The following ABAT variants were observed in gnomAD, a reference collection of about 807,000 sequenced individuals.
ABAT encodes 4-aminobutyrate aminotransferase.
A neutral mutation model predicts 64.6 loss-of-function variants in ABAT; 45 were observed. That is an observed-to-expected ratio of 0.70 (90% CI 0.55 to 0.89). ABAT has a LOEUF of 0.89. Ranked by LOEUF, ABAT falls within the 40% of genes least tolerant of loss-of-function variation. The pLI, the probability that ABAT is intolerant of heterozygous loss-of-function variation, is 0.00. For synonymous variants in ABAT, 297 were observed against 250.5 expected, an observed-to-expected ratio of 1.19 and a Z score of -1.75; for missense variants, 633 against 658.4, an observed-to-expected ratio of 0.96 and a Z score of 0.42.
At chr16:8,703,543 G>A (rs138491516) in intron 1 of ABAT, among the ~76,000 whole-genome samples, 256 of 152,222 alleles carry the variant, frequency 1.7e-3, no homozygotes, top group African/African-American at 5.8e-3. Flanking sequence ...AAATAATAGA[G>A]CGTTTAGGTG....
At position 8,713,651 on chromosome 16, in the gene ABAT, T is replaced by G. The variant is rs1288356032; in HGVS notation, c.-41-22048T>G. 3 of 330,376 alleles carry G rather than the reference T, an allele frequency of 9.1e-6. No individual in the cohort carries two copies. In the Admixed American group the frequency reaches 1.2e-4, roughly 13 times the overall value. The allele number at this position is 330,376 out of a possible 1,614,324, so 20.5% of individuals were successfully genotyped here. On this transcript the variant is annotated intron_variant, in intron 1 of 15. Coordinates refer to ENST00000268251, the MANE Select transcript of ABAT (RefSeq NM_020686.6). ...CATCCTTTTCCCAAACCTGCTCTGC[T>G]TCCAAGGGGCCCTTTTCTGTCTCCT...
chr16:8,707,353 A>ATTTTTTTTTTTTTTTT lies in ABAT; in HGVS notation c.-41-28344_-41-28329dup, dbSNP rs386384172. The stretch of plus-strand genomic sequence containing the variant: ...AGGCACACACTACCATGCCAGGGTA[A>ATTTTTTTTTTTTTTTT]TTTTTTTTTTTTTTTTTAGCGGAGA... On this transcript the variant is annotated intron_variant, in intron 1 of 15. Transcript: ENST00000268251. Among the ~76,000 whole-genome samples, 1,155 of 123,718 alleles carry ATTTTTTTTTTTTTTTT rather than the reference A, an allele frequency of 9.3e-3. 51 individuals are homozygous for ATTTTTTTTTTTTTTTT. The highest frequency in any genetic ancestry group is 0.035 in the African/African-American group (1,035 of 29,988). The allele number at this position is 123,718 out of a possible 152,430, so 81.2% of individuals were successfully genotyped here.
intron 5 of ABAT, among the ~76,000 whole-genome samples, chr16:8,755,909 C>T (rs149623663): frequency 0.012 from 1,806 of 152,128 alleles, 25 homozygotes; most frequent in African/African-American, 0.04. Flanking sequence ...ATTAGCCAGG[C>T]GTGGTGATGG....
At chr16:8,707,896 G>C (rs1264987640) in intron 1 of ABAT, among the ~76,000 whole-genome samples, 1 of 152,144 alleles carries the variant, frequency 6.6e-6, no homozygotes, top group Non-Finnish European at 1.5e-5. Flanking sequence ...GGCAACCCCA[G>C]GTTATCATCC....
Position 8,768,737 on chromosome 16 carries a change from C to T in ABAT, c.668-88C>T, listed in dbSNP as rs540308467. The T allele has an allele frequency of 1.8e-5, 29 of 1,580,568 alleles. No individual in the cohort carries two copies. The South Asian group carries it at 1.9e-4, about 10-fold the overall frequency. ...GCCTCCCTGCCCACTGACAGCCTTG[C>T]GCTGAAATGTCTATCATCTCCTTTA... On this transcript the variant is annotated intron_variant, in intron 10 of 15. Transcript: ENST00000268251.
At chr16:8,694,219 G>C (rs991934294) in intron 1 of ABAT, among the ~76,000 whole-genome samples, 44 of 145,434 alleles carry the variant, frequency 3.0e-4, no homozygotes, top group Admixed American at 7.6e-4. Context: ...TTTCAGTAGA[G>C]ACAGGGTTTC....
rs1022855432 is a variant in ABAT at position 8,726,362 on chromosome 16, G to A, written c.-41-9337G>A. 3.6e-4 allele frequency among the ~76,000 whole-genome samples: 55 copies of A among 151,458 alleles called. 1 individual carries two copies. The highest frequency in any genetic ancestry group is 3.7e-4 in the Non-Finnish European group (25 of 67,926). ...TGCAACCTCTGCCTCCCGGGTTCAA[G>A]CGATTCTCCTGCCTCAGCCTCCCTA... On this transcript the variant is annotated intron_variant, in intron 1 of 15. Transcript: ENST00000268251.
chr16:8,690,915 C>G (rs879543230), intron 1 of ABAT, among the ~76,000 whole-genome samples: 1 of 152,044 alleles, frequency 6.6e-6, no homozygotes, highest in Non-Finnish European at 1.5e-5. Context: ...TGTGGGTTTT[C>G]AAGGTGGGAA....
intron 1 of ABAT, among the ~76,000 whole-genome samples, chr16:8,687,334 T>A (rs1458923809): frequency 6.6e-6 from 1 of 151,800 alleles, no homozygotes; most frequent in Non-Finnish European, 1.5e-5. Context: ...ACCATCCTGG[T>A]CAACACGGTG....
chr16:8,764,713 C>G lies in ABAT; in HGVS notation c.448-25C>G, dbSNP rs369503600. 2 of 1,604,638 alleles carry G rather than the reference C, an allele frequency of 1.2e-6. No individual in the cohort carries two copies. Among genetic ancestry groups the G allele is most frequent in the South Asian group, 2.2e-5 (2 of 90,880 alleles). On this transcript the variant is annotated intron_variant, in intron 7 of 15. Transcript: ENST00000268251. The surrounding 1 kb of genome is among the most constrained non-coding windows in gnomAD (Gnocchi z 4.2). ...GGACAGGAGTCATGATGAGCCTGGG[C>G]TCACGGCTATTTCCCTCCCCACAGG... is the stretch of plus-strand genomic sequence containing the variant.
At chr16:8,779,673 C>A in intron 15 of ABAT, 83 bp downstream of exon 15, 3 of 1,167,662 alleles carry the variant, frequency 2.6e-6, no homozygotes, top group Non-Finnish European at 3.8e-6. Flanking sequence ...AGGTACTCAG[C>A]AATATTTTGT....
chr16:8,683,087 C>G (rs770831402), intron 1 of ABAT, among the ~76,000 whole-genome samples: 1 of 152,166 alleles, frequency 6.6e-6, no homozygotes, highest in Admixed American at 6.5e-5. Context: ...CTTTGCCTGA[C>G]GTTATCTCTT....
chr16:8,768,126 C>T (rs369997983), intron 9 of ABAT, 67 bp from the exon 10 acceptor site: 122 of 1,512,726 alleles, frequency 8.1e-5, no homozygotes, highest in Non-Finnish European at 1.0e-4. Flanking sequence ...TCTGGACTTG[C>T]AGGGGCAACA....
At chr16:8,685,397 G>A (rs2057431181) in intron 1 of ABAT, among the ~76,000 whole-genome samples, 2 of 151,480 alleles carry the variant, frequency 1.3e-5, no homozygotes, top group Non-Finnish European at 2.9e-5. Context: ...TACGCCGGGT[G>A]TGGTGGCTCT....
rs1427365492 is a variant in ABAT, at chr16:8,738,005, AAAG to A, written c.70+2199_70+2201del. Among the ~76,000 whole-genome samples the A allele has an allele frequency of 6.9e-5, 8 of 116,044 alleles. 1 individual carries two copies. Among genetic ancestry groups the A allele is most frequent in the African/African-American group, 2.8e-4 (8 of 28,370 alleles). 76.1% of individuals were successfully genotyped at this position (116,044 alleles called of 152,430 possible). A position where few individuals can be genotyped will look rare whatever the true frequency, so the allele number is the denominator to read the frequency against. On this transcript the variant is annotated intron_variant, in intron 2 of 15. Transcript: ENST00000268251. ...GGAAGGAAGGAGGAAAGAAAGAAAG[AAAG>A]AAAGAAAGGAAAGAAAGAAAGAAGG...
intron 1 of ABAT, among the ~76,000 whole-genome samples, chr16:8,681,541 A>G (rs763091263): frequency 4.2e-5 from 6 of 143,102 alleles, no homozygotes; most frequent in Non-Finnish European, 9.0e-5. Context: ...CCTGGAACCT[A>G]TGAATAGGAC....
chr16:8,741,286 G>A (rs957620880), intron 2 of ABAT, among the ~76,000 whole-genome samples: 1 of 152,176 alleles, frequency 6.6e-6, no homozygotes, highest in Non-Finnish European at 1.5e-5. Flanking sequence ...TTGCCTTTAG[G>A]AGAAGTGTGT....
chr16:8,678,487 C>G (rs77670029), intron 1 of ABAT, among the ~76,000 whole-genome samples: 1,644 of 152,300 alleles, frequency 0.011, 40 homozygotes, highest in African/African-American at 0.038. Flanking sequence ...GGTTAAAAGA[C>G]TTGTCTAAGA....
At chr16:8,713,779 G>A (rs1281266577) in intron 1 of ABAT, 2 of 440,060 alleles carry the variant, frequency 4.5e-6, no homozygotes, top group Admixed American at 2.4e-5. Flanking sequence ...CCAGCCAGCT[G>A]CGTTCCTGGC....
Sources: gnomAD v4.1 joint callset for allele counts (sites outside exome capture counted in the v4.1 genomes callset) on GRCh38, gnomAD v4.1.1 for gene constraint, Gnocchi (gnomAD v3.1) non-coding constraint, MANE v1.5 for transcripts, NCBI Gene and HGNC (gene_info 2026-07-23, HGNC 2026-07-21) for gene names.